PLXNA4: variants seen among roughly 807,000 people sequenced by gnomAD.
PLXNA4 encodes plexin A4, also known as plexin-A4.
A neutral mutation model predicts 191.8 loss-of-function variants in PLXNA4; 44 were observed. That is an observed-to-expected ratio of 0.23 (90% confidence interval 0.18 to 0.29). The LOEUF (loss-of-function observed/expected upper bound fraction) is 0.29. Among genes scored for constraint, PLXNA4 ranks in the 10% least tolerant of loss-of-function variants. The pLI is 1.00. For synonymous variants in PLXNA4, 1,082 were observed against 1,009.5 expected (o/e 1.07, Z -1.36); for missense variants, 1,800 against 2,488.8 (o/e 0.72, Z 5.89).
At chr7:132,228,017 A>G (rs1584872305) in intron 6 of PLXNA4, among the ~76,000 whole-genome samples, 1 of 152,110 alleles carries the variant, frequency 6.6e-6, no homozygotes, top group Admixed American at 6.5e-5. Flanking sequence ...CTCTCTGTAC[A>G]TGCATCTTTC....
chr7:132,456,576 A>G (rs1454645004), intron 3 of PLXNA4, among the ~76,000 whole-genome samples: 3 of 152,176 alleles, frequency 2.0e-5, no homozygotes, highest in Non-Finnish European at 4.4e-5. Context: ...TTTATTATGG[A>G]GCTCTAACCA....
At chr7:132,515,494 A>G (rs1200030662) in intron 1 of PLXNA4, among the ~76,000 whole-genome samples, 1 of 152,174 alleles carries the variant, frequency 6.6e-6, no homozygotes, top group African/African-American at 2.4e-5. Context: ...AGTGTCTCCC[A>G]CCACAACCTC....
Position 132,292,958 on chromosome 7 carries a change from G to A in PLXNA4, c.1503+5133C>T, listed in dbSNP as rs555347037. 5.9e-5 allele frequency among the ~76,000 whole-genome samples: 9 copies of A among 152,294 alleles called. No homozygotes were observed. The East Asian group carries it at 1.4e-3, about 23-fold the overall frequency. ...TTTCACAGCAGAGGAAACAGTAAGC[G>A]TGCAAGTTCTGCAGCAGGAAGGAGC... On this transcript the variant is annotated intron_variant, in intron 4 of 31. Transcript: ENST00000321063.
intron 2 of PLXNA4, among the ~76,000 whole-genome samples, chr7:132,494,098 A>T (rs1797910975): frequency 6.6e-6 from 1 of 152,096 alleles, no homozygotes; most frequent in Non-Finnish European, 1.5e-5. Flanking sequence ...GGGTCAGATG[A>T]CCTCTGCGGT....
chr7:132,472,923 G>A (rs1796983956), intron 3 of PLXNA4, among the ~76,000 whole-genome samples: 1 of 152,186 alleles, frequency 6.6e-6, no homozygotes, highest in Non-Finnish European at 1.5e-5. Context: ...TCCAGGACAG[G>A]TCCACAGATA....
chr7:132,204,748 C>G (rs898977175), intron 10 of PLXNA4, among the ~76,000 whole-genome samples: 4 of 152,170 alleles, frequency 2.6e-5, no homozygotes, highest in Non-Finnish European at 5.9e-5. Context: ...TGGGCAGGGA[C>G]AGGTCTGCAC....
At chr7:132,578,403 A>G (rs1802335554), upstream of PLXNA4, among the ~76,000 whole-genome samples, 1 of 152,148 alleles carries the variant, frequency 6.6e-6, no homozygotes, top group African/African-American at 2.4e-5. Flanking sequence ...TTTAGTTTTC[A>G]CTGTCCTCAC....
At chr7:132,251,215 C>T (rs990276800) in intron 4 of PLXNA4, among the ~76,000 whole-genome samples, 1 of 152,158 alleles carries the variant, frequency 6.6e-6, no homozygotes, top group Non-Finnish European at 1.5e-5. Flanking sequence ...CACACACATA[C>T]AAGTCACCAA....
At chr7:132,167,837 C>T (rs990449804) in intron 22 of PLXNA4, among the ~76,000 whole-genome samples, 9 of 152,262 alleles carry the variant, frequency 5.9e-5, no homozygotes, top group Admixed American at 3.3e-4. Context: ...GCATGAGCCA[C>T]TGCACCTGGC....
chr7:132,614,472 C>T (rs1266974245), intron 2 of PLXNA4, among the ~76,000 whole-genome samples: 1 of 152,140 alleles, frequency 6.6e-6, no homozygotes, highest in Non-Finnish European at 1.5e-5. Flanking sequence ...TTGGAACAAG[C>T]GTATTTAATA....
rs188002613 is a variant in PLXNA4 at position 132,519,754 on chromosome 7, G to A, written c.-86-10975C>T. Among the ~76,000 whole-genome samples the A allele has an allele frequency of 2.3e-3, 347 of 152,338 alleles. 9 individuals carry two copies. Among genetic ancestry groups the A allele is most frequent in the Admixed American group, 0.019 (295 of 15,306 alleles). Reference sequence around the variant, plus strand: ...TTGGCTCACAGCCAGTCATGCATCAGCCAGTGTCACCCATAAAAGCCTCCT... The same window carrying A: ...TTGGCTCACAGCCAGTCATGCATCAACCAGTGTCACCCATAAAAGCCTCCT... On this transcript the variant is annotated intron_variant, in intron 1 of 31. Transcript: ENST00000321063.
At chr7:132,400,085 A>C (rs143773663) in intron 3 of PLXNA4, among the ~76,000 whole-genome samples, 2,157 of 152,208 alleles carry the variant, frequency 0.014, 189 homozygotes, top group Admixed American at 0.13. Flanking sequence ...CTACCCCCGG[A>C]GAAAAAATAA....
Position 132,529,589 on chromosome 7 carries a change from G to A in PLXNA4, c.-86-20810C>T, listed in dbSNP as rs143838367. Among the ~76,000 whole-genome samples the A allele has an allele frequency of 4.8e-4, 72 of 150,746 alleles. 1 individual carries two copies. In the East Asian group the frequency reaches 0.014, roughly 29 times the overall value. ...GGGCAGACATCAATATTTTTTAAAAGCTTCCCAAATAGGTATTCTTTTTTT... is the reference window on the plus strand; with the variant it reads ...GGGCAGACATCAATATTTTTTAAAAACTTCCCAAATAGGTATTCTTTTTTT... On this transcript the variant is annotated intron_variant, in intron 1 of 31. Transcript: ENST00000321063.
At chr7:132,634,634 C>T (rs1338475018) in intron 2 of PLXNA4, among the ~76,000 whole-genome samples, 1 of 152,188 alleles carries the variant, frequency 6.6e-6, no homozygotes, top group Non-Finnish European at 1.5e-5. Flanking sequence ...CTGAATATTG[C>T]CCTCTCCCTT....
chr7:132,382,818 T>G (rs1384817063), intron 3 of PLXNA4, among the ~76,000 whole-genome samples: 1 of 152,202 alleles, frequency 6.6e-6, no homozygotes. Context: ...TTGCAGTATG[T>G]GTATGTGAGT....
chr7:132,606,578 T>C (rs551082430), intron 2 of PLXNA4, among the ~76,000 whole-genome samples: 17 of 152,368 alleles, frequency 1.1e-4, no homozygotes, highest in African/African-American at 3.4e-4. Context: ...GTGAAATCTG[T>C]GTTATGCTCA....
At chr7:132,242,035 C>G (rs1185578363) in intron 4 of PLXNA4, among the ~76,000 whole-genome samples, 2 of 152,174 alleles carry the variant, frequency 1.3e-5, no homozygotes, top group African/African-American at 4.8e-5. Context: ...CTTGCCAGCA[C>G]TTGCTACATA....
intron 3 of PLXNA4, among the ~76,000 whole-genome samples, chr7:132,431,783 C>T (rs933125435): frequency 4.6e-5 from 7 of 152,132 alleles, no homozygotes; most frequent in African/African-American, 7.2e-5. Flanking sequence ...CATGTGACTA[C>T]GTAAATAAGG....
At chr7:132,261,298 G>A (rs1799634506) in intron 4 of PLXNA4, among the ~76,000 whole-genome samples, 1 of 152,128 alleles carries the variant, frequency 6.6e-6, no homozygotes, top group Non-Finnish European at 1.5e-5. Flanking sequence ...CAGTGGGCTG[G>A]AACAGAAAAA....
Sources: allele counts gnomAD v4.1 joint callset (sites outside exome capture counted in the v4.1 genomes callset), GRCh38; gene constraint gnomAD v4.1.1; transcripts MANE v1.5; gene names NCBI Gene and HGNC (gene_info 2026-07-23, HGNC 2026-07-21).